MTX2: variants seen among roughly 807,000 people sequenced by gnomAD.
The protein encoded by MTX2 is metaxin-2.
Under a neutral mutation model 42.3 loss-of-function variants are expected in MTX2, and 35 were observed. That is an observed-to-expected ratio of 0.83 (90% CI 0.63 to 1.10). MTX2 has a LOEUF of 1.10. Ranked by LOEUF, MTX2 falls within the 50% of genes least tolerant of loss-of-function variation. MTX2 has a pLI of 0.00. For missense variants in MTX2, 307 were observed against 304.1 expected, an observed-to-expected ratio of 1.01 and a Z score of -0.07; for synonymous variants, 119 against 100.9, an observed-to-expected ratio of 1.18 and a Z score of -1.08.
chr2:176,282,853 A>G (rs1184185190), intron 1 of MTX2, among the ~76,000 whole-genome samples: 1 of 151,782 alleles, frequency 6.6e-6, no homozygotes, highest in Non-Finnish European at 1.5e-5. Context: ...ACAGGCATGC[A>G]CCACCACACC....
At chr2:176,330,174 C>CT (rs1376131047) in intron 8 of MTX2, among the ~76,000 whole-genome samples, 2 of 150,770 alleles carry the variant, frequency 1.3e-5, no homozygotes, top group East Asian at 3.9e-4. Flanking sequence ...ATGTTGTTAC[C>CT]TTTATTAAGC....
chr2:176,297,798 A>G, intron 2 of MTX2, 51 bp from the exon 3 acceptor site: 1 of 1,275,286 alleles, frequency 7.8e-7, no homozygotes, highest in South Asian at 1.8e-5. Context: ...TTAAAAATAA[A>G]AATACTATAT....
Position 176,297,021 on chromosome 2 carries a change from C to T in MTX2, c.88+114C>T, listed in dbSNP as rs1683904327. On this transcript the variant is annotated intron_variant, in intron 2 of 9. Transcript: ENST00000249442. ...AATATAAAATGTAAAGAAGGGATTC[C>T]CTTGTATAATTTGTCTAGGAGGTTT... The T allele has an allele frequency of 4.1e-5, 48 of 1,166,094 alleles. 1 individual carries two copies. In the South Asian group the frequency reaches 6.4e-4, roughly 16 times the overall value. 72.2% of individuals were successfully genotyped at this position (1,166,094 alleles called of 1,614,324 possible).
At chr2:176,331,603 C>CAT (rs1684866541) in intron 9 of MTX2, among the ~76,000 whole-genome samples, 1 of 151,014 alleles carries the variant, frequency 6.6e-6, no homozygotes, top group African/African-American at 2.4e-5. Context: ...GTAATATATA[C>CAT]ATATATAATT....
At chr2:176,326,563 G>C (rs1684711495) in intron 4 of MTX2, among the ~76,000 whole-genome samples, 1 of 151,546 alleles carries the variant, frequency 6.6e-6, no homozygotes, top group African/African-American at 2.4e-5. Flanking sequence ...GCTCTGAAAA[G>C]AGAATGTTAT....
chr2:176,312,133 T>A (rs180781149), intron 3 of MTX2, among the ~76,000 whole-genome samples: 1,619 of 152,344 alleles, frequency 0.011, 17 homozygotes, highest in Non-Finnish European at 0.018. Context: ...ATTGATTTTT[T>A]AAAATATCTC....
At chr2:176,329,254 T>G in intron 7 of MTX2, 47 bp from the exon 8 acceptor site, 1 of 1,542,486 alleles carries the variant, frequency 6.5e-7, no homozygotes, top group East Asian at 2.3e-5. Context: ...AAAACGGGCA[T>G]TGTTTTTAGG....
At chr2:176,292,535 A>G (rs1305943762) in intron 1 of MTX2, among the ~76,000 whole-genome samples, 2 of 151,954 alleles carry the variant, frequency 1.3e-5, no homozygotes, top group Admixed American at 6.5e-5. Flanking sequence ...CTTTTACATA[A>G]TAGGTATTCC....
At chr2:176,329,037 C>T in intron 7 of MTX2, 125 bp downstream of exon 7, 1 of 961,568 alleles carries the variant, frequency 1.0e-6, no homozygotes, top group Non-Finnish European at 1.5e-6. Flanking sequence ...TAGTTTTTCA[C>T]TTACTTTAAT....
At chr2:176,318,845 G>T (rs900431413) in intron 3 of MTX2, among the ~76,000 whole-genome samples, 7 of 152,200 alleles carry the variant, frequency 4.6e-5, no homozygotes, top group African/African-American at 1.7e-4. Flanking sequence ...AGATGGAAGT[G>T]TTCTAAATCT....
chr2:176,291,567 A>C (rs144593162), intron 1 of MTX2, among the ~76,000 whole-genome samples: 13 of 152,262 alleles, frequency 8.5e-5, no homozygotes, highest in African/African-American at 2.6e-4. Flanking sequence ...TGTTTGAACT[A>C]TTCAAGGAGG....
chr2:176,269,733 AG>A (rs1692750323), intron 1 of MTX2, 64 bp downstream of exon 1: 1 of 1,523,124 alleles, frequency 6.6e-7, no homozygotes, highest in Admixed American at 2.1e-5. Context: ...CGTGGGGTAC[AG>A]GGCTGGAGCT....
intron 1 of MTX2, among the ~76,000 whole-genome samples, chr2:176,293,576 G>A (rs1487434889): frequency 4.6e-5 from 7 of 151,974 alleles, no homozygotes; most frequent in Admixed American, 3.9e-4. Context: ...AAAAGAGAGC[G>A]GCATCTCCCC....
At chr2:176,272,261 GATGGGGAAGAGGA>G in intron 1 of MTX2, among the ~76,000 whole-genome samples, 1 of 152,136 alleles carries the variant, frequency 6.6e-6, no homozygotes, top group East Asian at 1.9e-4. Context: ...AGAGGTGAGA[GATGGGGAAGAGGA>G]ATGGAGAAGA....
At chr2:176,276,281 T>C (rs943870646) in intron 1 of MTX2, among the ~76,000 whole-genome samples, 2 of 152,230 alleles carry the variant, frequency 1.3e-5, no homozygotes, top group Admixed American at 6.5e-5. Context: ...GCCATGTTTA[T>C]TTTCATTATA....
chr2:176,337,625 G>A lies in MTX2; in HGVS notation c.753G>A (p.Gln251=). 2 of 1,611,798 alleles carry A rather than the reference G, an allele frequency of 1.2e-6. No homozygotes were observed. The highest frequency in any genetic ancestry group is 1.7e-6 in the Non-Finnish European group (2 of 1,178,872). Residue 251 remains glutamine, a synonymous_variant, in exon 10 of 10, where the codon CAG becomes CAA. Transcript: ENST00000249442. ...NLLAFCRRIE[Q]HYFEDRGKGR... ...TTGCTTTCTGTAGGAGAATTGAACA[G>A]CACTATTTTGAAGATCGTGGTAAAG...
intron 3 of MTX2, among the ~76,000 whole-genome samples, chr2:176,318,304 C>G (rs1418057181): frequency 6.6e-6 from 1 of 151,954 alleles, no homozygotes; most frequent in African/African-American, 2.4e-5. Context: ...CTTACCCCTT[C>G]AAGTGAATTT....
At chr2:176,284,109 T>C (rs760044882) in intron 1 of MTX2, among the ~76,000 whole-genome samples, 2 of 152,138 alleles carry the variant, frequency 1.3e-5, no homozygotes, top group Non-Finnish European at 2.9e-5. Context: ...TTTTTTTCTT[T>C]TTTTTTTCCT....
chr2:176,320,024 A>G (rs761096729), intron 3 of MTX2, among the ~76,000 whole-genome samples: 2 of 152,146 alleles, frequency 1.3e-5, no homozygotes, highest in East Asian at 1.9e-4. Flanking sequence ...TGTGACATCA[A>G]ACTTTTTTGT....
Sources: gnomAD v4.1 joint callset for allele counts (sites outside exome capture counted in the v4.1 genomes callset) on GRCh38, gnomAD v4.1.1 for gene constraint, MANE v1.5 for transcripts, NCBI Gene and HGNC (gene_info 2026-07-23, HGNC 2026-07-21) for gene names.